RBFOX3: variants seen among roughly 807,000 people sequenced by gnomAD.
The protein encoded by RBFOX3 is RNA binding fox-1 homolog 3.
In RBFOX3, 17 loss-of-function variants were observed where a neutral mutation model predicts 48.7. That is an observed-to-expected ratio of 0.35 (90% CI 0.24 to 0.52). The LOEUF (loss-of-function observed/expected upper bound fraction) is 0.52, where lower values mean the gene tolerates loss of function less well. Among genes scored for constraint, RBFOX3 ranks in the 20% least tolerant of loss-of-function variants. The pLI is 0.94. For missense variants in RBFOX3, 382 were observed against 497.5 expected, an observed-to-expected ratio of 0.77 and a Z score of 2.21; for synonymous variants, 212 against 209.5, an observed-to-expected ratio of 1.01 and a Z score of -0.10.
chr17:79,653,621 A>G, the RBFOX3 span, among the ~76,000 whole-genome samples: 1 of 152,226 alleles, frequency 6.6e-6, no homozygotes, highest in Non-Finnish European at 1.5e-5. Flanking sequence ...TGTATAAGCA[A>G]TGTTCAGAAA....
intron 2 of RBFOX3, among the ~76,000 whole-genome samples, chr17:79,385,120 C>T (rs1422249739): frequency 6.6e-6 from 1 of 152,178 alleles, no homozygotes; most frequent in Non-Finnish European, 1.5e-5. Flanking sequence ...CCACCTGCCA[C>T]AAACATCAGC....
At chr17:79,101,471 G>T (rs2076423961) in intron 9 of RBFOX3, 113 bp downstream of exon 9, 4 of 953,708 alleles carry the variant, frequency 4.2e-6, no homozygotes, top group Non-Finnish European at 6.6e-6. Flanking sequence ...GGACACTGGG[G>T]ACGGAGGCTG....
At chr17:79,591,254 G>T (rs1364710896) in intron 1 of RBFOX3, among the ~76,000 whole-genome samples, 1 of 152,200 alleles carries the variant, frequency 6.6e-6, no homozygotes, top group Non-Finnish European at 1.5e-5. Context: ...GGTGTCGCTG[G>T]GGGCCAAGGC....
intron 2 of RBFOX3, among the ~76,000 whole-genome samples, chr17:79,331,310 C>T (rs1192549463): frequency 6.6e-6 from 1 of 152,158 alleles, no homozygotes; most frequent in Non-Finnish European, 1.5e-5. Flanking sequence ...CAAGTGGTCC[C>T]TGGTCGCCAC....
intron 14 of RBFOX3, among the ~76,000 whole-genome samples, chr17:79,091,721 C>T (rs1009101157): frequency 1.3e-5 from 2 of 152,172 alleles, no homozygotes; most frequent in Admixed American, 6.5e-5. Context: ...AAAGACATTT[C>T]GAAGCTTGGG....
chr17:79,536,359 G>A (rs536822913), intron 1 of RBFOX3, among the ~76,000 whole-genome samples: 1 of 152,320 alleles, frequency 6.6e-6, no homozygotes, highest in East Asian at 1.9e-4. Flanking sequence ...GATGTGAGAC[G>A]TGGCACACAG....
chr17:79,413,558 C>T (rs1007553044), intron 2 of RBFOX3, among the ~76,000 whole-genome samples: 1 of 152,254 alleles, frequency 6.6e-6, no homozygotes, highest in African/African-American at 2.4e-5. Context: ...GGCCACACTT[C>T]ATCAGGGAGC....
chr17:79,432,144 G>C (rs1457307554), intron 2 of RBFOX3, among the ~76,000 whole-genome samples: 1 of 152,158 alleles, frequency 6.6e-6, no homozygotes, highest in Non-Finnish European at 1.5e-5. Flanking sequence ...CCTTTTCAAG[G>C]CTGAGTAATA....
In RBFOX3 at chr17:79,167,742, C is replaced by G. The variant is rs1340389904; in HGVS notation, c.-33-51994G>C. Among the ~76,000 whole-genome samples, 9 of 152,338 alleles carry G rather than the reference C, an allele frequency of 5.9e-5. No individual in the cohort carries two copies. The East Asian group carries it at 1.4e-3, about 23-fold the overall frequency. On this transcript the variant is annotated intron_variant, in intron 4 of 14. Coordinates refer to ENST00000693108, the MANE Select transcript of RBFOX3 (RefSeq NM_001350451.2). ...TTCTCCCCATCAGCTGCCCTGGGGC[C>G]TCTTCAACCCTGGCCCTACCTGGGG...
chr17:79,403,346 A>C (rs1027134556), intron 2 of RBFOX3, among the ~76,000 whole-genome samples: 82 of 152,304 alleles, frequency 5.4e-4, no homozygotes, highest in South Asian at 2.7e-3. Context: ...GCTGCCCCTG[A>C]GGTCAGGGAT....
intron 2 of RBFOX3, among the ~76,000 whole-genome samples, chr17:79,378,145 G>T (rs1221626081): frequency 2.0e-5 from 3 of 152,050 alleles, no homozygotes; most frequent in African/African-American, 7.2e-5. Flanking sequence ...GGCGCATCAG[G>T]GGTCCCAGCG....
intron 2 of RBFOX3, among the ~76,000 whole-genome samples, chr17:79,327,835 A>T (rs2079569664): frequency 6.6e-6 from 1 of 152,170 alleles, no homozygotes; most frequent in African/African-American, 2.4e-5. Context: ...AGTTGGGACT[A>T]CAGGCATGTG....
intron 1 of RBFOX3, among the ~76,000 whole-genome samples, chr17:79,534,795 A>G (rs528790853): frequency 4.6e-5 from 7 of 152,174 alleles, no homozygotes; most frequent in Non-Finnish European, 1.0e-4. Context: ...TCTTTTCTCA[A>G]TGTGCTTTAG....
intron 2 of RBFOX3, among the ~76,000 whole-genome samples, chr17:79,449,971 G>T (rs1032960153): frequency 3.3e-5 from 5 of 152,168 alleles, no homozygotes; most frequent in African/African-American, 1.2e-4. Flanking sequence ...TTCCCACTAG[G>T]GGGGAAGATG....
At chr17:79,161,572 G>A (rs1051941085) in intron 4 of RBFOX3, among the ~76,000 whole-genome samples, 30 of 152,188 alleles carry the variant, frequency 2.0e-4, no homozygotes, top group Non-Finnish European at 3.7e-4. Flanking sequence ...TTGCTCTTCC[G>A]GTTATGGCTC....
chr17:79,198,399 G>A lies in RBFOX3; in HGVS notation c.-34+37367C>T, dbSNP rs1016337725. ...CAGCTCTCACGGGACTCAGTGCTAA[G>A]GTGACAGTGGAACGCTGGCATCTGT... On this transcript the variant is annotated intron_variant, in intron 4 of 14. Coordinates refer to ENST00000693108, the MANE Select transcript of RBFOX3 (RefSeq NM_001350451.2). The surrounding 1 kb of genome is among the most constrained non-coding windows in gnomAD (Gnocchi z 8.2). Among the ~76,000 whole-genome samples, 2 of 152,208 alleles carry A rather than the reference G, an allele frequency of 1.3e-5. No homozygotes were observed. Among genetic ancestry groups the A allele is most frequent in the African/African-American group, 4.8e-5 (2 of 41,454 alleles).
the RBFOX3 span, among the ~76,000 whole-genome samples, chr17:79,616,255 G>A: frequency 6.6e-6 from 1 of 152,122 alleles, no homozygotes; most frequent in East Asian, 1.9e-4. Flanking sequence ...GGATCTCTCG[G>A]CCGGGCACGG....
intron 4 of RBFOX3, among the ~76,000 whole-genome samples, chr17:79,154,375 T>A (rs1352790791): frequency 1.3e-5 from 2 of 152,220 alleles, no homozygotes; most frequent in Non-Finnish European, 2.9e-5. Flanking sequence ...CCCCGCAGAC[T>A]GTGAGCCTGT....
Position 79,242,282 on chromosome 17 carries a change from C to T in RBFOX3, c.-73-6477G>A, listed in dbSNP as rs1336086978. On this transcript the variant is annotated intron_variant, in intron 3 of 14. Transcript: ENST00000693108. The surrounding 1 kb of genome is among the most constrained non-coding windows in gnomAD (Gnocchi z 5.8). Reference sequence around the variant, plus strand: ...TCCTCGAGGCAGCTTTGAGAAACTCCCAGTGCACCACTCTCTTGTGTTACT... The same window carrying T: ...TCCTCGAGGCAGCTTTGAGAAACTCTCAGTGCACCACTCTCTTGTGTTACT... Among the ~76,000 whole-genome samples the T allele has an allele frequency of 6.6e-6, 1 of 152,092 alleles. No individual in the cohort carries two copies. The highest frequency in any genetic ancestry group is 1.5e-5 in the Non-Finnish European group (1 of 68,024).
Sources: allele counts gnomAD v4.1 joint callset (sites outside exome capture counted in the v4.1 genomes callset), GRCh38; gene constraint gnomAD v4.1.1; non-coding constraint Gnocchi (gnomAD v3.1); transcripts MANE v1.5; gene names NCBI Gene and HGNC (gene_info 2026-07-23, HGNC 2026-07-21).